Variants in NRXN3 observed in about 807,000 individuals in gnomAD.
NRXN3 encodes the protein neurexin 3, also known as neurexin III.
Under a neutral mutation model 137.6 loss-of-function variants are expected in NRXN3, and 32 were observed. The observed-to-expected ratio is 0.23, with a 90% confidence interval of 0.18 to 0.31. The LOEUF (loss-of-function observed/expected upper bound fraction) is 0.31. NRXN3 is among the 10% of genes least tolerant of loss of function. NRXN3 has a pLI of 1.00. For synonymous variants in NRXN3, 798 were observed against 784.5 expected (o/e 1.02, Z -0.29); for missense variants, 1,574 against 2,062.5 (o/e 0.76, Z 4.59).
At chr14:79,330,640 A>G (rs1464156068) in intron 15 of NRXN3, among the ~76,000 whole-genome samples, 1 of 152,222 alleles carries the variant, frequency 6.6e-6, no homozygotes, top group Non-Finnish European at 1.5e-5. Flanking sequence ...TAGGTAGCCC[A>G]TCTTCACAGA....
chr14:78,707,797 A>G (rs1341633879), intron 6 of NRXN3, among the ~76,000 whole-genome samples: 1 of 152,230 alleles, frequency 6.6e-6, no homozygotes, highest in African/African-American at 2.4e-5. Context: ...CAGTGAGAAC[A>G]TACAATGTTC....
intron 15 of NRXN3, among the ~76,000 whole-genome samples, chr14:79,345,448 G>C (rs539790505): frequency 1.5e-4 from 23 of 152,222 alleles, no homozygotes; most frequent in South Asian, 2.1e-4. Context: ...TGTCCTCGGG[G>C]TGTTTATGAT....
rs10638142 is a variant in NRXN3 at position 78,173,709 on chromosome 14, C to CTTTTTTTTTTTTTTTTTTTTTTTTTTT, written c.-704+3050_-704+3051insTTTTTTTTTTTTTTTTTTTTTTTTTTT. Among the ~76,000 whole-genome samples, 20 of 69,354 alleles carry CTTTTTTTTTTTTTTTTTTTTTTTTTTT rather than the reference C, an allele frequency of 2.9e-4. 3 individuals carry two copies. The highest frequency in any genetic ancestry group is 0.016 in the Middle Eastern group (1 of 64). The allele number at this position is 69,354 out of a possible 152,430, so 45.5% of individuals were successfully genotyped here. A position where few individuals can be genotyped will look rare whatever the true frequency, so the allele number is the denominator to read the frequency against. On this transcript the variant is annotated intron_variant, in intron 1 of 20. Transcript: ENST00000335750. ...CGGCTCTTTTTTCCCTTTTTCCTTG[C>CTTTTTTTTTTTTTTTTTTTTTTTTTTT]TTTTTTTTTTTTTTTGCAACACAAC...
At chr14:78,679,275 C>T (rs1455310060) in intron 6 of NRXN3, among the ~76,000 whole-genome samples, 1 of 152,122 alleles carries the variant, frequency 6.6e-6, no homozygotes, top group Non-Finnish European at 1.5e-5. Context: ...TCTGCCAGAT[C>T]AACAATTCTC....
At chr14:79,423,642 G>GA (rs1197869416) in intron 15 of NRXN3, among the ~76,000 whole-genome samples, 1 of 152,176 alleles carries the variant, frequency 6.6e-6, no homozygotes, top group African/African-American at 2.4e-5. Flanking sequence ...TTTGTCTACT[G>GA]AATAGCAGGG....
chr14:78,845,867 A>G (rs2152462450), intron 10 of NRXN3, among the ~76,000 whole-genome samples: 1 of 151,902 alleles, frequency 6.6e-6, no homozygotes, highest in African/African-American at 2.4e-5. Flanking sequence ...AAAATAATGA[A>G]GATGTTAAGA....
rs191855359 is a variant in NRXN3, at chr14:79,295,030, G to C, written c.3263-172191G>C. ...CCATCTGAAACACCAGTCTGATCATGCCGCTCTTCCATGGGCTCTTCGTGT... is the reference window on the plus strand; with the variant it reads ...CCATCTGAAACACCAGTCTGATCATCCCGCTCTTCCATGGGCTCTTCGTGT... On this transcript the variant is annotated intron_variant, in intron 15 of 20. Coordinates refer to ENST00000335750, the MANE Select transcript of NRXN3 (RefSeq NM_001330195.2). Among the ~76,000 whole-genome samples the C allele has an allele frequency of 1.1e-3, 160 of 152,118 alleles. 1 individual carries two copies. The highest frequency in any genetic ancestry group is 3.6e-3 in the African/African-American group (151 of 41,504).
intron 4 of NRXN3, among the ~76,000 whole-genome samples, chr14:78,378,785 G>A (rs754024833): frequency 6.6e-6 from 1 of 151,916 alleles, no homozygotes; most frequent in Non-Finnish European, 1.5e-5. Flanking sequence ...GAGAAGAGCA[G>A]CAATCAATGA....
chr14:79,767,538 T>C (rs934545145), intron 19 of NRXN3, among the ~76,000 whole-genome samples: 2 of 152,230 alleles, frequency 1.3e-5, no homozygotes, highest in African/African-American at 2.4e-5. Flanking sequence ...AATGTTCCTT[T>C]CTTCCTAATA....
chr14:78,843,983 C>A (rs767952971), intron 10 of NRXN3, among the ~76,000 whole-genome samples: 2 of 152,088 alleles, frequency 1.3e-5, no homozygotes, highest in Non-Finnish European at 2.9e-5. Context: ...AAGCAAATTA[C>A]CACCAACCTG....
chr14:78,353,632 A>G (rs1335071979), intron 4 of NRXN3, among the ~76,000 whole-genome samples: 2 of 152,190 alleles, frequency 1.3e-5, no homozygotes, highest in Admixed American at 6.5e-5. Context: ...TTGAAGAAAA[A>G]AAAATCTGCA....
chr14:78,541,101 T>C (rs931085238), intron 4 of NRXN3, among the ~76,000 whole-genome samples: 1 of 152,086 alleles, frequency 6.6e-6, no homozygotes, highest in Non-Finnish European at 1.5e-5. Flanking sequence ...GTGTCTGGGG[T>C]TGCTCTTCTT....
At chr14:78,948,879 C>A (rs1295609143) in intron 10 of NRXN3, among the ~76,000 whole-genome samples, 1 of 152,030 alleles carries the variant, frequency 6.6e-6, no homozygotes, top group Non-Finnish European at 1.5e-5. Context: ...ACTGTGAGAA[C>A]AAACCAGAGA....
chr14:79,829,859 C>T (rs1319953889), intron 20 of NRXN3, among the ~76,000 whole-genome samples: 3 of 152,092 alleles, frequency 2.0e-5, no homozygotes, highest in African/African-American at 7.2e-5. Flanking sequence ...CAAAGCACTG[C>T]TTACTGTATT....
At chr14:78,200,706 T>C (rs2061598405) in intron 1 of NRXN3, among the ~76,000 whole-genome samples, 1 of 152,182 alleles carries the variant, frequency 6.6e-6, no homozygotes, top group African/African-American at 2.4e-5. Context: ...AAAGTGTGCT[T>C]AATACATCCT....
At chr14:78,301,453 C>T (rs1168100530) in intron 4 of NRXN3, among the ~76,000 whole-genome samples, 2 of 152,220 alleles carry the variant, frequency 1.3e-5, no homozygotes, top group Non-Finnish European at 2.9e-5. Context: ...TTGGGTAACG[C>T]ATCCATTTCT....
chr14:78,320,395 C>T (rs2079184561), intron 4 of NRXN3, among the ~76,000 whole-genome samples: 1 of 152,164 alleles, frequency 6.6e-6, no homozygotes, highest in Non-Finnish European at 1.5e-5. Context: ...GGGCGTTAAT[C>T]TCCTTTGAAC....
intron 17 of NRXN3, among the ~76,000 whole-genome samples, chr14:79,673,635 C>T (rs2098624101): frequency 1.3e-5 from 2 of 152,060 alleles, no homozygotes; most frequent in African/African-American, 4.8e-5. Context: ...TATTCATTCA[C>T]CTTCATTCAC....
intron 15 of NRXN3, among the ~76,000 whole-genome samples, chr14:79,404,999 T>C (rs1168731987): frequency 6.6e-6 from 1 of 152,102 alleles, no homozygotes; most frequent in African/African-American, 2.4e-5. Context: ...CCTAAATCCA[T>C]GCAATGATCA....
Sources: allele counts gnomAD v4.1 joint callset (sites outside exome capture counted in the v4.1 genomes callset), GRCh38; gene constraint gnomAD v4.1.1; transcripts MANE v1.5; gene names NCBI Gene and HGNC (gene_info 2026-07-23, HGNC 2026-07-21).